Variants in PPP2R5A observed in about 807,000 individuals in gnomAD.
PPP2R5A encodes the protein protein phosphatase 2 regulatory subunit B'alpha, also known as serine/threonine-protein phosphatase 2A 56 kDa regulatory subunit alpha isoform.
In PPP2R5A, 25 loss-of-function variants were observed where a neutral mutation model predicts 64.2. The observed-to-expected ratio is 0.39, with a 90% CI of 0.28 to 0.54. The LOEUF is 0.54. Ranked by LOEUF, PPP2R5A falls within the 20% of genes least tolerant of loss-of-function variation. PPP2R5A has a pLI of 0.67. For synonymous variants in PPP2R5A, 198 were observed against 201.2 expected, an observed-to-expected ratio of 0.98 and a Z score of 0.13; for missense variants, 425 against 576.3, an observed-to-expected ratio of 0.74 and a Z score of 2.69.
chr1:212,288,110 G>T (rs1028596409), intron 1 of PPP2R5A, among the ~76,000 whole-genome samples: 1 of 152,066 alleles, frequency 6.6e-6, no homozygotes, highest in African/African-American at 2.4e-5. Context: ...TCCGCCTCCC[G>T]GGTTCAAACA....
chr1:212,323,853 C>T (rs1018213626), intron 1 of PPP2R5A, among the ~76,000 whole-genome samples: 3 of 152,128 alleles, frequency 2.0e-5, no homozygotes, highest in African/African-American at 4.8e-5. Flanking sequence ...GTGGGTGGAT[C>T]ACGAGGTCAG....
At position 212,321,344 on chromosome 1, in the gene PPP2R5A, C is replaced by T. The variant is rs759514987; in HGVS notation, c.182-7791C>T. 5.7e-3 allele frequency among the ~76,000 whole-genome samples: 813 copies of T among 142,152 alleles called. 1 individual carries two copies. The highest frequency in any genetic ancestry group is 5.1e-3 in the Non-Finnish European group (330 of 64,724). The allele number at this position is 142,152 out of a possible 152,430, so 93.3% of individuals were successfully genotyped here. A position where few individuals can be genotyped will look rare whatever the true frequency, so the allele number is the denominator to read the frequency against. ...CTGACCCCCCCACCTCCCTTCCGGA[C>T]GGGGCGGCTGGCCGGGCGGGGGGCT... is the stretch of plus-strand genomic sequence containing the variant. On this transcript the variant is annotated intron_variant, in intron 1 of 12. Transcript: ENST00000261461.
chr1:212,301,829 T>C, intron 1 of PPP2R5A: 2 of 1,234,754 alleles, frequency 1.6e-6, no homozygotes, highest in South Asian at 2.2e-5. Context: ...TGTTCTATAA[T>C]TTGTAGCATG....
intron 4 of PPP2R5A, 97 bp downstream of exon 4, chr1:212,342,377 GTTTAA>G (rs1659700709): frequency 5.6e-6 from 8 of 1,424,078 alleles, no homozygotes; most frequent in Middle Eastern, 2.3e-4. Context: ...AACTTTAATG[GTTTAA>G]TTTGACAGCA....
intron 2 of PPP2R5A, among the ~76,000 whole-genome samples, chr1:212,332,052 A>G (rs1409080251): frequency 6.6e-6 from 1 of 152,232 alleles, no homozygotes; most frequent in Non-Finnish European, 1.5e-5. Flanking sequence ...GATCTCAAGG[A>G]CAAATTCTAC....
intron 2 of PPP2R5A, chr1:212,331,762 A>C (rs1659509859): frequency 6.6e-6 from 1 of 152,194 alleles, no homozygotes; most frequent in Non-Finnish European, 1.5e-5. Context: ...TTTGCTATAT[A>C]CTAATAAATT....
At chr1:212,299,214 C>G (rs1378623679) in intron 1 of PPP2R5A, 1 of 20,114 alleles carries the variant, frequency 5.0e-5, no homozygotes, top group East Asian at 5.4e-4. Context: ...GGGTGGCTGC[C>G]GGGCGGAGAC....
chr1:212,348,862 A>G (rs1430400227), intron 7 of PPP2R5A, among the ~76,000 whole-genome samples: 1 of 152,304 alleles, frequency 6.6e-6, no homozygotes, highest in African/African-American at 2.4e-5. Context: ...AGAGAATAAT[A>G]TATCAGCATA....
intron 1 of PPP2R5A, among the ~76,000 whole-genome samples, chr1:212,321,531 G>T (rs1368547814): frequency 2.0e-5 from 3 of 148,728 alleles, no homozygotes; most frequent in African/African-American, 5.1e-5. Flanking sequence ...GCCAGGCAGA[G>T]GGTCTCCTCA....
At chr1:212,331,297 A>G (rs995679614) in intron 2 of PPP2R5A, among the ~76,000 whole-genome samples, 4 of 151,428 alleles carry the variant, frequency 2.6e-5, no homozygotes, top group African/African-American at 9.7e-5. Context: ...AGTAGGTAGA[A>G]CTACAAGCAT....
At chr1:212,305,196 C>T (rs1289453968) in intron 1 of PPP2R5A, among the ~76,000 whole-genome samples, 1 of 151,780 alleles carries the variant, frequency 6.6e-6, no homozygotes, top group African/African-American at 2.4e-5. Flanking sequence ...GCTACCACGC[C>T]TGGCTAATGT....
rs1660079133 is a variant in PPP2R5A at position 212,361,419 on chromosome 1, T to C, written c.*649T>C. The C allele has an allele frequency of 6.6e-6, 1 of 152,666 alleles. No homozygotes were observed. The highest frequency in any genetic ancestry group is 6.5e-5 in the Admixed American group (1 of 15,290). The allele number at this position is 152,666 out of a possible 1,614,324, so 9.5% of individuals were successfully genotyped here. On this transcript the variant is annotated 3_prime_UTR_variant, in exon 13 of 13. Transcript: ENST00000261461. The stretch of plus-strand genomic sequence containing the variant: ...TGTTCCTCATGAATATCCCCCTTCC[T>C]CTGCAATTCTCCAGAGTGGTAACAG...
At chr1:212,329,669 C>T (rs1031454242) in intron 2 of PPP2R5A, among the ~76,000 whole-genome samples, 9 of 152,060 alleles carry the variant, frequency 5.9e-5, no homozygotes, top group East Asian at 1.9e-4. Context: ...ATTTTTGAGA[C>T]GGAGTCTTGC....
chr1:212,321,600 G>A (rs1025256592), intron 1 of PPP2R5A, among the ~76,000 whole-genome samples: 14 of 145,532 alleles, frequency 9.6e-5, no homozygotes, highest in African/African-American at 3.9e-4. Flanking sequence ...GGGTGGCAGG[G>A]CAGAGGTGCT....
intron 1 of PPP2R5A, chr1:212,299,548 A>G (rs1443349296): frequency 2.6e-5 from 4 of 152,158 alleles, no homozygotes; most frequent in Non-Finnish European, 5.9e-5. Context: ...AGAGGAAAAA[A>G]GTTAGGTCAG....
At chr1:212,360,561 C>A (rs535670043) in intron 12 of PPP2R5A, 77 bp from the exon 13 acceptor site, 180 of 1,279,106 alleles carry the variant, frequency 1.4e-4, no homozygotes, top group Non-Finnish European at 1.8e-4. Flanking sequence ...AATGTGTTCT[C>A]CAGTAAGCTG....
In PPP2R5A at chr1:212,360,881, T is replaced by G. The variant is rs1450832899; in HGVS notation, c.*111T>G. On this transcript the variant is annotated 3_prime_UTR_variant, in exon 13 of 13. Transcript: ENST00000261461. ...GTATAATATAATTAAAAGGCCAATT[T>G]TTTCTGGCAACTGTAAATGGAAAAA... 1 of 1,078,728 alleles carries G rather than the reference T, an allele frequency of 9.3e-7. No individual in the cohort carries two copies. 66.8% of individuals were successfully genotyped at this position (1,078,728 alleles called of 1,614,324 possible).
chr1:212,288,097 A>C (rs1392422566), intron 1 of PPP2R5A, among the ~76,000 whole-genome samples: 1 of 150,078 alleles, frequency 6.7e-6, no homozygotes, highest in Non-Finnish European at 1.5e-5. Context: ...GCTCACTGCA[A>C]CCTCCGCCTC....
chr1:212,338,857 C>A (rs756237606), intron 3 of PPP2R5A, among the ~76,000 whole-genome samples: 20 of 151,632 alleles, frequency 1.3e-4, no homozygotes, highest in South Asian at 2.1e-4. Flanking sequence ...ACCTTCTTAA[C>A]AAATGTGATT....
Sources: allele counts gnomAD v4.1 joint callset (sites outside exome capture counted in the v4.1 genomes callset), GRCh38; gene constraint gnomAD v4.1.1; transcripts MANE v1.5; gene names NCBI Gene and HGNC (gene_info 2026-07-23, HGNC 2026-07-21).